NXPH2: variants seen among roughly 807,000 people sequenced by gnomAD.
NXPH2 encodes the protein neurexophilin 2, also known as neurexophilin-2.
In NXPH2, 5 loss-of-function variants were observed where a neutral mutation model predicts 19.8. The ratio of observed to expected loss-of-function variants is 0.25; its 90% CI spans 0.13 to 0.53. The LOEUF (loss-of-function observed/expected upper bound fraction) is 0.53, where lower values mean the gene tolerates loss of function less well. NXPH2 is among the 20% of genes least tolerant of loss of function. The pLI is 0.96. For missense variants in NXPH2, 289 were observed against 322.8 expected, an observed-to-expected ratio of 0.90 and a Z score of 0.80; for synonymous variants, 154 against 127.4, an observed-to-expected ratio of 1.21 and a Z score of -1.41.
At chr2:138,730,472 T>C (rs1483286466) in intron 1 of NXPH2, among the ~76,000 whole-genome samples, 2 of 152,280 alleles carry the variant, frequency 1.3e-5, no homozygotes, top group African/African-American at 4.8e-5. Flanking sequence ...ATAGCACTTC[T>C]GAGGTGTGGT....
intron 1 of NXPH2, among the ~76,000 whole-genome samples, chr2:138,776,071 A>G (rs1682257785): frequency 6.6e-6 from 1 of 152,126 alleles, no homozygotes; most frequent in South Asian, 2.1e-4. Flanking sequence ...CCTGTGACAC[A>G]TTTATATTCA....
At chr2:138,728,161 T>G (rs1385158557) in intron 1 of NXPH2, among the ~76,000 whole-genome samples, 1 of 151,274 alleles carries the variant, frequency 6.6e-6, no homozygotes, top group African/African-American at 2.4e-5. Context: ...GTGCGCTCTC[T>G]CTCTCTCTCT....
Position 138,671,111 on chromosome 2 carries a change from C to T in NXPH2, c.606G>A (p.Leu202=). The change falls in exon 2 of 2, where the codon CTG becomes CTA. Residue 202 remains leucine (L), a synonymous_variant. Coordinates refer to ENST00000272641, the MANE Select transcript of NXPH2 (RefSeq NM_007226.3). ...AGATCTTGGATGGGTCAAAGTTGCA[C>T]AGGGCGGTCTTTTTCGCCCGATCTG... The part of the protein sequence containing the change: ...EKTDRAKKTA[L]CNFDPSKICY... 6.2e-7 allele frequency: 1 copy of T among 1,613,928 alleles called. No individual in the cohort carries two copies. Among genetic ancestry groups the T allele is most frequent in the Non-Finnish European group, 8.5e-7 (1 of 1,179,860 alleles).
intron 1 of NXPH2, among the ~76,000 whole-genome samples, chr2:138,764,038 C>A (rs1682054520): frequency 6.6e-6 from 1 of 152,110 alleles, no homozygotes; most frequent in African/African-American, 2.4e-5. Flanking sequence ...AAGTGAAATA[C>A]ACAAAGATGT....
chr2:138,706,934 A>G (rs1209102941), intron 1 of NXPH2, among the ~76,000 whole-genome samples: 1 of 151,722 alleles, frequency 6.6e-6, no homozygotes, highest in Non-Finnish European at 1.5e-5. Context: ...AAAAAAAGTT[A>G]AGGTGAATGC....
chr2:138,713,345 C>T (rs1263540969), intron 1 of NXPH2, among the ~76,000 whole-genome samples: 1 of 152,088 alleles, frequency 6.6e-6, no homozygotes, highest in Non-Finnish European at 1.5e-5. Context: ...GACCTTTGTA[C>T]GTTGGGAGTG....
In NXPH2 at chr2:138,670,858, G is replaced by T; in HGVS notation, c.*64C>A. On this transcript the variant is annotated 3_prime_UTR_variant, in exon 2 of 2. Coordinates refer to ENST00000272641, the MANE Select transcript of NXPH2 (RefSeq NM_007226.3). ...GGGATCCTTTATCATAAAGAGCTGGGCTTGTTTCTTTGTCATTCTAATCAA... is the reference window on the plus strand; with the variant it reads ...GGGATCCTTTATCATAAAGAGCTGGTCTTGTTTCTTTGTCATTCTAATCAA... 1.3e-6 allele frequency: 2 copies of T among 1,503,642 alleles called. No individual in the cohort carries two copies. Among genetic ancestry groups the T allele is most frequent in the Non-Finnish European group, 1.8e-6 (2 of 1,111,984 alleles). The allele number at this position is 1,503,642 out of a possible 1,614,324, so 93.1% of individuals were successfully genotyped here. A position where few individuals can be genotyped will look rare whatever the true frequency, so the allele number is the denominator to read the frequency against.
At chr2:138,752,001 T>C (rs1311214593) in intron 1 of NXPH2, among the ~76,000 whole-genome samples, 1 of 152,110 alleles carries the variant, frequency 6.6e-6, no homozygotes, top group East Asian at 1.9e-4. Context: ...CAAAAATACA[T>C]TGAACTATGA....
chr2:138,685,426 T>C (rs756506386), intron 1 of NXPH2, among the ~76,000 whole-genome samples: 7 of 152,244 alleles, frequency 4.6e-5, no homozygotes, highest in Non-Finnish European at 1.0e-4. Context: ...TGTTGCTTTC[T>C]TGTATCCTCC....
chr2:138,711,693 A>G (rs1681107875), intron 1 of NXPH2, among the ~76,000 whole-genome samples: 1 of 152,016 alleles, frequency 6.6e-6, no homozygotes, highest in Non-Finnish European at 1.5e-5. Flanking sequence ...AGCCCAGTCC[A>G]CCTTTTCCAT....
chr2:138,743,985 A>G lies in NXPH2; in HGVS notation c.51+36206T>C, dbSNP rs188534223. Among the ~76,000 whole-genome samples, 224 of 131,380 alleles carry G rather than the reference A, an allele frequency of 1.7e-3. 2 individuals are homozygous for G. Among genetic ancestry groups the G allele is most frequent in the Admixed American group, 3.7e-3 (43 of 11,620 alleles). The allele number at this position is 131,380 out of a possible 152,430, so 86.2% of individuals were successfully genotyped here. On this transcript the variant is annotated intron_variant, in intron 1 of 1. Coordinates refer to ENST00000272641, the MANE Select transcript of NXPH2 (RefSeq NM_007226.3). ...GCCATTGCACTCCAGCCTGAGTGAT[A>G]GAGTGAGACTCCATCTCAAAAAAAA...
intron 1 of NXPH2, among the ~76,000 whole-genome samples, chr2:138,675,994 T>C (rs1316477457): frequency 6.6e-6 from 1 of 151,750 alleles, no homozygotes; most frequent in Admixed American, 6.6e-5. Context: ...TATAAATCTA[T>C]ATAAAAGCAC....
intron 1 of NXPH2, among the ~76,000 whole-genome samples, chr2:138,750,083 G>C (rs905321574): frequency 3.3e-5 from 5 of 152,180 alleles, no homozygotes; most frequent in East Asian, 3.9e-4. Flanking sequence ...AAATACACAA[G>C]GGATACATAC....
chr2:138,684,632 T>C (rs1680621853), intron 1 of NXPH2, among the ~76,000 whole-genome samples: 1 of 152,184 alleles, frequency 6.6e-6, no homozygotes, highest in Admixed American at 6.5e-5. Flanking sequence ...GTCAATTTTA[T>C]CTAGACCTCC....
intron 1 of NXPH2, among the ~76,000 whole-genome samples, chr2:138,724,213 T>A (rs1002033257): frequency 1.3e-5 from 2 of 152,232 alleles, no homozygotes; most frequent in African/African-American, 4.8e-5. Flanking sequence ...GTTCCTGTGT[T>A]AGTTCCAGCT....
At chr2:138,737,567 T>C (rs866739593) in intron 1 of NXPH2, among the ~76,000 whole-genome samples, 4 of 152,146 alleles carry the variant, frequency 2.6e-5, no homozygotes, top group African/African-American at 9.7e-5. Context: ...TCCTTGCTTT[T>C]CACTTCCTCA....
At chr2:138,752,247 AG>A (rs1323974600) in intron 1 of NXPH2, among the ~76,000 whole-genome samples, 3 of 152,150 alleles carry the variant, frequency 2.0e-5, no homozygotes, top group Non-Finnish European at 4.4e-5. Context: ...CTAGATTGAA[AG>A]AAAAACACTG....
intron 1 of NXPH2, among the ~76,000 whole-genome samples, chr2:138,720,027 T>G (rs1327445145): frequency 6.6e-6 from 1 of 152,190 alleles, no homozygotes; most frequent in African/African-American, 2.4e-5. Flanking sequence ...TTGGGAATTC[T>G]TGCATTTATT....
chr2:138,753,571 T>C (rs1573978545), intron 1 of NXPH2, among the ~76,000 whole-genome samples: 1 of 152,174 alleles, frequency 6.6e-6, no homozygotes, highest in Non-Finnish European at 1.5e-5. Context: ...CAAGAAAATA[T>C]ATATGTGTAT....
Sources: allele counts gnomAD v4.1 joint callset (sites outside exome capture counted in the v4.1 genomes callset), GRCh38; gene constraint gnomAD v4.1.1; transcripts MANE v1.5; gene names NCBI Gene and HGNC (gene_info 2026-07-23, HGNC 2026-07-21).